The following CUL4A variants were observed in gnomAD, a reference collection of about 807,000 sequenced individuals.
The protein encoded by CUL4A is cullin 4A, also known as cullin-4A.
A neutral mutation model predicts 95.5 loss-of-function variants in CUL4A; 16 were observed. That is an observed-to-expected ratio of 0.17 (90% CI 0.11 to 0.25). CUL4A has a LOEUF of 0.25. Ranked by LOEUF, CUL4A falls within the 10% of genes least tolerant of loss-of-function variation. CUL4A has a pLI of 1.00. For synonymous variants in CUL4A, 380 were observed against 353.1 expected (o/e 1.08, Z -0.85); for missense variants, 610 against 937.0 (o/e 0.65, Z 4.56).
intron 3 of CUL4A, among the ~76,000 whole-genome samples, chr13:113,220,592 C>G (rs927982295): frequency 6.6e-6 from 1 of 152,240 alleles, no homozygotes; most frequent in Non-Finnish European, 1.5e-5. Flanking sequence ...CCCAAGCCTT[C>G]TCCCAAAGAC....
upstream of CUL4A, chr13:113,208,968 C>G (rs919835260): frequency 4.5e-6 from 5 of 1,101,744 alleles, no homozygotes; most frequent in Non-Finnish European, 5.5e-6. Flanking sequence ...TCGTCTGCCC[C>G]TTGTGAAAAC....
At chr13:113,208,745 G>C (rs2040169333), upstream of CUL4A, 1 of 1,482,382 alleles carries the variant, frequency 6.7e-7, no homozygotes, top group South Asian at 1.3e-5. Flanking sequence ...CCCGCCGCGG[G>C]TGCGCAGGTT....
At chr13:113,249,397 C>T (rs966583934) in intron 15 of CUL4A, among the ~76,000 whole-genome samples, 8 of 151,870 alleles carry the variant, frequency 5.3e-5, no homozygotes, top group South Asian at 4.2e-4. Flanking sequence ...CATACATGAG[C>T]GCTTTATTCC....
intron 2 of CUL4A, among the ~76,000 whole-genome samples, chr13:113,210,573 A>G (rs2040375521): frequency 6.6e-6 from 1 of 152,252 alleles, no homozygotes. Context: ...GGTTGCCTTT[A>G]AGGTATTCAA....
At chr13:113,257,000 C>CT (rs1395076445) in intron 18 of CUL4A, among the ~76,000 whole-genome samples, 1 of 133,382 alleles carries the variant, frequency 7.5e-6, no homozygotes, top group Non-Finnish European at 1.6e-5. Context: ...ATCTCGCTCA[C>CT]TGCAACCTCC....
chr13:113,232,607 T>C (rs564743293), intron 5 of CUL4A, among the ~76,000 whole-genome samples: 181 of 152,344 alleles, frequency 1.2e-3, no homozygotes, highest in African/African-American at 4.2e-3. Flanking sequence ...AGCTGAACCA[T>C]CTTCCTAACA....
At chr13:113,208,783 G>A, upstream of CUL4A, 2 of 1,420,346 alleles carry the variant, frequency 1.4e-6, no homozygotes, top group Non-Finnish European at 9.2e-7. Context: ...CTGGGGACCG[G>A]CTCGGCGACG....
chr13:113,256,925 C>CTTTTTTTTTTT (rs1491171316), intron 18 of CUL4A, among the ~76,000 whole-genome samples: 7 of 37,272 alleles, frequency 1.9e-4, no homozygotes, highest in African/African-American at 2.8e-4. Flanking sequence ...TTTTTTTTTT[C>CTTTTTTTTTTT]GTTTTTTTTT....
At chr13:113,256,926 GTTTTTTTTTTTTT>G (rs951070829) in intron 18 of CUL4A, among the ~76,000 whole-genome samples, 1 of 47,374 alleles carries the variant, frequency 2.1e-5, no homozygotes, top group Admixed American at 3.5e-4. Context: ...TTTTTTTTTC[GTTTTTTTTTTTTT>G]TTTTTTTTTT....
intron 2 of CUL4A, among the ~76,000 whole-genome samples, chr13:113,210,532 G>T (rs1022097365): frequency 6.6e-6 from 1 of 152,186 alleles, no homozygotes; most frequent in Non-Finnish European, 1.5e-5. Context: ...AGAAAAAGTG[G>T]TTTTGTTCTC....
chr13:113,245,866 T>C, intron 14 of CUL4A, 90 bp from the exon 15 acceptor site: 1 of 978,682 alleles, frequency 1.0e-6, no homozygotes, highest in Non-Finnish European at 1.5e-6. Context: ...GATGAAACTT[T>C]ATATTGAAAA....
At chr13:113,234,897 C>T (rs1790347931) in intron 7 of CUL4A, among the ~76,000 whole-genome samples, 166 bp from the exon 8 acceptor site, 1 of 152,222 alleles carries the variant, frequency 6.6e-6, no homozygotes. Context: ...CCCCCACACA[C>T]ATTTCCGTCC....
At chr13:113,214,168 A>G (rs1357649518) in intron 2 of CUL4A, among the ~76,000 whole-genome samples, 2 of 152,204 alleles carry the variant, frequency 1.3e-5, no homozygotes, top group African/African-American at 2.4e-5. Flanking sequence ...CTCTACGTCT[A>G]AACACCTTAG....
chr13:113,239,661 C>A, intron 10 of CUL4A, 110 bp downstream of exon 10: 1 of 718,362 alleles, frequency 1.4e-6, no homozygotes, highest in Non-Finnish European at 2.3e-6. Flanking sequence ...TGCTGGAGGG[C>A]CCGTCTGCAT....
At chr13:113,222,501 G>A (rs2040937402) in intron 3 of CUL4A, among the ~76,000 whole-genome samples, 1 of 151,924 alleles carries the variant, frequency 6.6e-6, no homozygotes, top group Non-Finnish European at 1.5e-5. Context: ...CACGGATTGA[G>A]GCGGGGAGGG....
intron 5 of CUL4A, among the ~76,000 whole-genome samples, chr13:113,230,774 T>TTAG (rs528327748): frequency 4.7e-4 from 69 of 145,516 alleles, no homozygotes; most frequent in African/African-American, 9.3e-4. Flanking sequence ...ATTATTATTA[T>TTAG]TATTATTATT....
At position 113,243,006 on chromosome 13, in the gene CUL4A, C is replaced by G. The variant is rs3764124; in HGVS notation, c.1074C>G (p.Asp358Glu). 1.9e-6 allele frequency: 3 copies of G among 1,612,200 alleles called. No individual in the cohort carries two copies. The highest frequency in any genetic ancestry group is 2.5e-6 in the Non-Finnish European group (3 of 1,178,666). ...CGATCGTAATCAATCCTGAGAAAGA[C>G]AAAGACATGGTCCAAGACCTGTTGG... ...GTAIVINPEK[D>E]KDMVQDLLDF... Residue 358 changes from aspartate (D) to glutamate (E), a missense_variant, in exon 11 of 20, where the codon GAC (aspartate) becomes GAG (glutamate). Coordinates refer to ENST00000375440, the MANE Select transcript of CUL4A (RefSeq NM_001008895.4).
At chr13:113,245,921 T>A in intron 14 of CUL4A, 35 bp from the exon 15 acceptor site, 2 of 1,453,400 alleles carry the variant, frequency 1.4e-6, no homozygotes, top group Non-Finnish European at 1.9e-6. Context: ...TTTATTACTT[T>A]CTCAAAATGA....
chr13:113,242,948 G>C lies in CUL4A; in HGVS notation c.1036-20G>C. ...CTATTGTAAACATGTTGCTGAGTTG[G>C]TATTGATTTGCTTTTGTAGACTTTT... On this transcript the variant is annotated intron_variant, in intron 10 of 19. Coordinates refer to ENST00000375440, the MANE Select transcript of CUL4A (RefSeq NM_001008895.4). 1.3e-6 allele frequency: 2 copies of C among 1,589,440 alleles called. No individual in the cohort carries two copies. Among genetic ancestry groups the C allele is most frequent in the Non-Finnish European group, 1.7e-6 (2 of 1,160,106 alleles).
Sources: allele counts gnomAD v4.1 joint callset (sites outside exome capture counted in the v4.1 genomes callset), GRCh38; gene constraint gnomAD v4.1.1; transcripts MANE v1.5; gene names NCBI Gene and HGNC (gene_info 2026-07-23, HGNC 2026-07-21).